CREB5: variants seen among roughly 807,000 people sequenced by gnomAD.
The protein encoded by CREB5 is cAMP responsive element binding protein 5.
Under a neutral mutation model 57.1 loss-of-function variants are expected in CREB5, and 19 were observed. The observed-to-expected ratio is 0.33, with a 90% CI of 0.23 to 0.49. The LOEUF (loss-of-function observed/expected upper bound fraction) is 0.49. Among genes scored for constraint, CREB5 ranks in the 20% least tolerant of loss-of-function variants. The pLI is 0.99. For missense variants in CREB5, 579 were observed against 671.6 expected (o/e 0.86, Z 1.52); for synonymous variants, 238 against 238.3 (o/e 1.00, Z 0.01).
intron 7 of CREB5, among the ~76,000 whole-genome samples, chr7:28,737,545 A>G (rs1351311715): frequency 0.042 from 359 of 8,554 alleles, 17 homozygotes; most frequent in African/African-American, 0.11. Context: ...ATACGTATAT[A>G]TATATATATA....
intron 1 of CREB5, among the ~76,000 whole-genome samples, chr7:28,377,209 CA>C (rs2127995130): frequency 1.3e-5 from 2 of 152,114 alleles, no homozygotes; most frequent in South Asian, 4.2e-4. Context: ...TTGTATTGTC[CA>C]ATATGGTAGC....
chr7:28,597,313 A>G (rs1796723097), intron 5 of CREB5, among the ~76,000 whole-genome samples: 1 of 152,194 alleles, frequency 6.6e-6, no homozygotes, highest in Non-Finnish European at 1.5e-5. Context: ...CAGGAGCGAC[A>G]CAAGAGAAGA....
chr7:28,562,817 C>G (rs539101021), intron 4 of CREB5, among the ~76,000 whole-genome samples: 61 of 152,314 alleles, frequency 4.0e-4, no homozygotes, highest in African/African-American at 1.4e-3. Context: ...ATTTCTCAGA[C>G]CACATACCAA....
At chr7:28,656,442 AG>A (rs1583488850) in intron 5 of CREB5, among the ~76,000 whole-genome samples, 1 of 152,222 alleles carries the variant, frequency 6.6e-6, no homozygotes, top group Non-Finnish European at 1.5e-5. Context: ...ACAACAAAAA[AG>A]AAATCACTCT....
chr7:28,683,019 G>A (rs758063068), intron 5 of CREB5, among the ~76,000 whole-genome samples: 2 of 152,184 alleles, frequency 1.3e-5, no homozygotes, highest in Non-Finnish European at 2.9e-5. Context: ...AGGATGACAC[G>A]CTCTGCAAAG....
At chr7:28,450,011 A>G (rs567453293) in intron 1 of CREB5, among the ~76,000 whole-genome samples, 1 of 152,292 alleles carries the variant, frequency 6.6e-6, no homozygotes, top group African/African-American at 2.4e-5. Context: ...GTGAGATCGA[A>G]TCTTTGGACC....
chr7:28,508,876 C>T (rs1689595178), intron 4 of CREB5, among the ~76,000 whole-genome samples: 2 of 152,064 alleles, frequency 1.3e-5, no homozygotes, highest in Non-Finnish European at 2.9e-5. Context: ...ACTTACATAG[C>T]AACTATTATT....
intron 4 of CREB5, among the ~76,000 whole-genome samples, chr7:28,560,883 C>CGCGT (rs1795138103): frequency 1.2e-4 from 2 of 17,276 alleles, no homozygotes; most frequent in African/African-American, 1.8e-4. Context: ...CGCGTGCGTG[C>CGCGT]GTGCGTGTGT....
At chr7:28,434,488 A>G (rs1299891240) in intron 1 of CREB5, among the ~76,000 whole-genome samples, 1 of 152,194 alleles carries the variant, frequency 6.6e-6, no homozygotes, top group Non-Finnish European at 1.5e-5. Flanking sequence ...TATAGAAACA[A>G]CAGTATTTTA....
chr7:28,636,233 CCCATG>C (rs1358990535), intron 5 of CREB5, among the ~76,000 whole-genome samples: 4 of 152,112 alleles, frequency 2.6e-5, no homozygotes, highest in Non-Finnish European at 5.9e-5. Flanking sequence ...GTGCTGCTTG[CCCATG>C]CCCTTTTTTG....
chr7:28,373,231 G>A (rs1009953376), intron 1 of CREB5, among the ~76,000 whole-genome samples: 6 of 152,124 alleles, frequency 3.9e-5, no homozygotes, highest in African/African-American at 1.2e-4. Flanking sequence ...CTCCCATGAC[G>A]GTCAGGATTG....
chr7:28,795,335 A>C (rs1411164859), intron 7 of CREB5, among the ~76,000 whole-genome samples: 2 of 152,170 alleles, frequency 1.3e-5, no homozygotes, highest in Non-Finnish European at 2.9e-5. Context: ...ATCTTTACGG[A>C]TACTGATTCT....
chr7:28,771,935 G>A (rs868382791), intron 7 of CREB5, among the ~76,000 whole-genome samples: 3 of 152,148 alleles, frequency 2.0e-5, no homozygotes, highest in Middle Eastern at 3.2e-3. Context: ...TGGCTGATGT[G>A]TTGAGTCTCT....
chr7:28,337,944 A>G (rs927010692), intron 1 of CREB5, among the ~76,000 whole-genome samples: 3 of 152,110 alleles, frequency 2.0e-5, no homozygotes, highest in African/African-American at 7.2e-5. Flanking sequence ...ACTGATGACA[A>G]CTTAATAATG....
At chr7:28,441,178 A>T (rs1004924294) in intron 1 of CREB5, among the ~76,000 whole-genome samples, 1 of 152,212 alleles carries the variant, frequency 6.6e-6, no homozygotes, top group African/African-American at 2.4e-5. Flanking sequence ...TTTTAAAAAT[A>T]GAAAGCCATC....
At chr7:28,633,840 T>TA (rs762114741) in intron 5 of CREB5, among the ~76,000 whole-genome samples, 33 of 152,192 alleles carry the variant, frequency 2.2e-4, no homozygotes, top group Non-Finnish European at 3.8e-4. Flanking sequence ...ACCTAAAGGA[T>TA]AATGATCTAG....
At chr7:28,517,392 G>A (rs1453463275) in intron 4 of CREB5, among the ~76,000 whole-genome samples, 2 of 152,118 alleles carry the variant, frequency 1.3e-5, no homozygotes, top group African/African-American at 4.8e-5. Flanking sequence ...GCCAGAACTG[G>A]GATTCCGAGC....
chr7:28,674,540 A>G (rs2128721154), intron 5 of CREB5, among the ~76,000 whole-genome samples: 1 of 152,340 alleles, frequency 6.6e-6, no homozygotes, highest in South Asian at 2.1e-4. Flanking sequence ...AAAGTCAATC[A>G]GAATTGATTC....
At position 28,572,043 on chromosome 7, in the gene CREB5, G is replaced by T. The variant is rs896782755; in HGVS notation, c.464+1506G>T. Among the ~76,000 whole-genome samples, 31 of 152,082 alleles carry T rather than the reference G, an allele frequency of 2.0e-4. 1 individual carries two copies. Among genetic ancestry groups the T allele is most frequent in the Admixed American group, 2.0e-4 (3 of 15,260 alleles). On this transcript the variant is annotated intron_variant, in intron 5 of 10. Coordinates refer to ENST00000357727, the MANE Select transcript of CREB5 (RefSeq NM_182898.4). ...GTAGGTCTTTTCCCTCTTGTTTTTC[G>T]GTGTTATAAGAATTCCAGACCTGCA...
Sources: gnomAD v4.1 joint callset for allele counts (sites outside exome capture counted in the v4.1 genomes callset) on GRCh38, gnomAD v4.1.1 for gene constraint, MANE v1.5 for transcripts, NCBI Gene and HGNC (gene_info 2026-07-23, HGNC 2026-07-21) for gene names.